Variants in ABCA13 observed in about 807,000 individuals in gnomAD.
ABCA13 encodes the protein ATP binding cassette subfamily A member 13, also known as ATP-binding cassette sub-family A member 13.
A neutral mutation model predicts 478.7 loss-of-function variants in ABCA13; 476 were observed. That is an observed-to-expected ratio of 0.99 (90% CI 0.92 to 1.07). The LOEUF is 1.07. Among genes scored for constraint, ABCA13 ranks in the 50% least tolerant of loss-of-function variants. ABCA13 has a pLI of 0.00. For synonymous variants in ABCA13, 2,252 were observed against 2,158.9 expected, an observed-to-expected ratio of 1.04 and a Z score of -1.20; for missense variants, 6,060 against 5,910.6, an observed-to-expected ratio of 1.03 and a Z score of -0.83.
At chr7:48,283,709 T>A (rs982951174) in intron 19 of ABCA13, among the ~76,000 whole-genome samples, 3 of 152,210 alleles carry the variant, frequency 2.0e-5, no homozygotes, top group African/African-American at 7.2e-5. Flanking sequence ...GCCTCCTTAC[T>A]GTCACGATGG....
chr7:48,402,890 G>A (rs372061447), intron 38 of ABCA13, among the ~76,000 whole-genome samples: 127 of 152,350 alleles, frequency 8.3e-4, no homozygotes, highest in African/African-American at 2.9e-3. Context: ...GAGTGGTCAA[G>A]GGAAGGTTTC....
chr7:48,172,492 G>A (rs1426673602), intron 1 of ABCA13, among the ~76,000 whole-genome samples: 2 of 152,140 alleles, frequency 1.3e-5, no homozygotes, highest in East Asian at 1.9e-4. Context: ...TCAGTTGAAA[G>A]TTTGTACAAA....
In ABCA13 at chr7:48,276,322, AT is replaced by A; in HGVS notation, c.6658del (p.Ser2220LeufsTer8). The A allele has an allele frequency of 6.4e-7, 1 of 1,556,426 alleles. No individual in the cohort carries two copies. The highest frequency in any genetic ancestry group is 8.7e-7 in the Non-Finnish European group (1 of 1,149,274). ...AATTTGATCAATAACTTAGCTGGGA[AT>A]TCTCAGGAAGCAGCTTGGAACTTAA... ...LINLINNLAG[N>X]SQEAAWNLND... On this transcript the variant is annotated frameshift_variant, in exon 17 of 62. Transcript: ENST00000435803. LOFTEE classifies it high-confidence loss of function.
rs1287454745 is a variant in ABCA13, at chr7:48,403,676, A to G, written c.11874-7A>G. 2 of 1,612,838 alleles carry G rather than the reference A, an allele frequency of 1.2e-6. No individual in the cohort carries two copies. The highest frequency in any genetic ancestry group is 1.1e-5 in the South Asian group (1 of 90,944). On this transcript the variant is annotated splice_region_variant and splice_polypyrimidine_tract_variant and intron_variant, in intron 38 of 61. Transcript: ENST00000435803. ...GGGAGAAGAGTGATGTTTTCTTCTA[A>G]TTTCAGAACTCTTCAGGATGTGGAC...
intron 14 of ABCA13, among the ~76,000 whole-genome samples, chr7:48,248,860 C>A (rs143686235): frequency 9.7e-4 from 147 of 152,274 alleles, no homozygotes; most frequent in African/African-American, 3.5e-3. Flanking sequence ...TTTTCCTTGA[C>A]TGCTAGGATG....
intron 59 of ABCA13, among the ~76,000 whole-genome samples, chr7:48,633,943 G>GATACATAGATAGATAGATAC (rs1425867830): frequency 0.016 from 364 of 22,508 alleles, 2 homozygotes; most frequent in African/African-American, 0.048. Context: ...TAGATAGATA[G>GATACATAGATAGATAGATAC]ATAGATAGAT....
chr7:48,435,972 T>G (rs1585311793), intron 42 of ABCA13, among the ~76,000 whole-genome samples: 1 of 97,844 alleles, frequency 1.0e-5, no homozygotes, highest in Admixed American at 9.7e-5. Context: ...GTTGGTAAGG[T>G]TTTTTTTTTT....
chr7:48,323,020 C>T (rs1457163886), intron 27 of ABCA13, among the ~76,000 whole-genome samples: 1 of 152,188 alleles, frequency 6.6e-6, no homozygotes, highest in East Asian at 1.9e-4. Context: ...TGTGTATCAG[C>T]AGTTGCCTCC....
chr7:48,188,660 C>T (rs1359280531), intron 1 of ABCA13, among the ~76,000 whole-genome samples: 1 of 151,966 alleles, frequency 6.6e-6, no homozygotes, highest in Non-Finnish European at 1.5e-5. Context: ...CCCCACCCCA[C>T]CCATTTTGTC....
intron 58 of ABCA13, among the ~76,000 whole-genome samples, chr7:48,607,953 T>G (rs546422069): frequency 6.6e-6 from 1 of 152,344 alleles, no homozygotes; most frequent in African/African-American, 2.4e-5. Flanking sequence ...CAATCTCTGC[T>G]TACTGCAACG....
chr7:48,265,415 G>A (rs1345378065), intron 15 of ABCA13, among the ~76,000 whole-genome samples: 1 of 151,344 alleles, frequency 6.6e-6, no homozygotes, highest in African/African-American at 2.4e-5. Context: ...TCTAGCTCAT[G>A]GTATATCTCT....
rs150223557 is a variant in ABCA13 at position 48,538,505 on chromosome 7, ATATAAT to A, written c.14354+10165_14354+10170del. ...CATCCAATGACTTTTCATAAAATGA[ATATAAT>A]TATATAATCTGTACCTACCTCAAGA... is the stretch of plus-strand genomic sequence containing the variant. On this transcript the variant is annotated intron_variant, in intron 55 of 61. Coordinates refer to ENST00000435803, the MANE Select transcript of ABCA13 (RefSeq NM_152701.5). Among the ~76,000 whole-genome samples, 943 of 152,332 alleles carry A rather than the reference ATATAAT, an allele frequency of 6.2e-3. 8 individuals carry two copies. Among genetic ancestry groups the A allele is most frequent in the African/African-American group, 0.022 (897 of 41,574 alleles).
intron 59 of ABCA13, chr7:48,626,668 G>A (rs897788187): frequency 4.1e-6 from 4 of 985,426 alleles, no homozygotes; most frequent in Non-Finnish European, 4.8e-6. Context: ...CATGGGTGCA[G>A]GAGACGCTGA....
chr7:48,251,651 AT>A (rs1183493121), intron 15 of ABCA13, among the ~76,000 whole-genome samples: 3 of 151,962 alleles, frequency 2.0e-5, no homozygotes, highest in East Asian at 3.8e-4. Flanking sequence ...TTTAAAAAAA[AT>A]ATTTTTACTA....
chr7:48,192,334 A>G (rs912422841), intron 1 of ABCA13, among the ~76,000 whole-genome samples: 1 of 152,170 alleles, frequency 6.6e-6, no homozygotes, highest in Non-Finnish European at 1.5e-5. Flanking sequence ...CTGTGTCAAG[A>G]GATTTTACTC....
intron 59 of ABCA13, among the ~76,000 whole-genome samples, chr7:48,624,961 T>C (rs1793525863): frequency 1.3e-5 from 2 of 152,216 alleles, no homozygotes; most frequent in African/African-American, 4.8e-5. Flanking sequence ...TTACATTTCC[T>C]TGAGTTATCA....
At chr7:48,492,068 A>T (rs900099298) in intron 48 of ABCA13, among the ~76,000 whole-genome samples, 1 of 152,084 alleles carries the variant, frequency 6.6e-6, no homozygotes, top group Non-Finnish European at 1.5e-5. Flanking sequence ...AATATTAGAG[A>T]TTTCTGAACC....
intron 40 of ABCA13, among the ~76,000 whole-genome samples, chr7:48,411,454 C>T (rs146941590): frequency 0.017 from 2,511 of 151,970 alleles, 54 homozygotes; most frequent in African/African-American, 0.057. Context: ...ACTACAGACA[C>T]ATGCCACCAG....
chr7:48,643,148 G>T lies in ABCA13; in HGVS notation c.14838-140G>T, dbSNP rs1297568223. 5.3e-6 allele frequency: 3 copies of T among 568,618 alleles called. No individual in the cohort carries two copies. The African/African-American group carries it at 5.6e-5, about 11-fold the overall frequency. 35.2% of individuals were successfully genotyped at this position (568,618 alleles called of 1,614,324 possible). The stretch of plus-strand genomic sequence containing the variant: ...TAATTGACTTACAATTAATTTCTGT[G>T]TCTTATATTGAGAATCCAAACTCCC... On this transcript the variant is annotated intron_variant, in intron 59 of 61. Coordinates refer to ENST00000435803, the MANE Select transcript of ABCA13 (RefSeq NM_152701.5).
Sources: gnomAD v4.1 joint callset for allele counts (sites outside exome capture counted in the v4.1 genomes callset) on GRCh38, gnomAD v4.1.1 for gene constraint, MANE v1.5 for transcripts, NCBI Gene and HGNC (gene_info 2026-07-23, HGNC 2026-07-21) for gene names.